Variants in EHD3 observed in about 807,000 individuals in gnomAD.
EHD3 encodes the protein EH domain-containing protein 3.
In EHD3, 17 loss-of-function variants were observed where a neutral mutation model predicts 43.0. The observed-to-expected ratio is 0.40, with a 90% confidence interval of 0.27 to 0.59. The LOEUF (loss-of-function observed/expected upper bound fraction) is 0.59. Among genes scored for constraint, EHD3 ranks in the 20% least tolerant of loss-of-function variants. The probability of loss-of-function intolerance (pLI) is 0.49; values close to 1 mark genes in which losing one functional copy is unlikely to be tolerated. For missense variants in EHD3, 594 were observed against 705.6 expected (o/e 0.84, Z 1.79); for synonymous variants, 313 against 289.5 (o/e 1.08, Z -0.82).
At chr2:31,259,929 G>A (rs916262257) in intron 3 of EHD3, among the ~76,000 whole-genome samples, 2 of 152,148 alleles carry the variant, frequency 1.3e-5, no homozygotes, top group South Asian at 2.1e-4. Flanking sequence ...GGCTGGGGGC[G>A]GTGGCTCACA....
chr2:31,263,839 C>T (rs1683895998), intron 5 of EHD3, among the ~76,000 whole-genome samples: 1 of 152,240 alleles, frequency 6.6e-6, no homozygotes, highest in African/African-American at 2.4e-5. Flanking sequence ...GAGCAGAAAG[C>T]TGTCACCCTA....
rs1386920603 is a variant in EHD3 at position 31,266,489 on chromosome 2, G to A, written c.1393G>A (p.Ala465Thr). The change falls in exon 6 of 6, where the codon GCT (alanine) becomes ACT (threonine). Residue 465 changes from alanine to threonine, a missense_variant. Ala to Thr is a moderately conservative substitution (Grantham distance 58, BLOSUM62 0). This residue lies in a region of EHD3 where 322 missense variants were observed against 348.0 expected (regional missense o/e 0.93). Transcript: ENST00000322054. The surrounding 1 kb of genome is among the most constrained non-coding windows in gnomAD (Gnocchi z 5.1). ...LSPVDGKITGANAKKEMVRSK... is the reference protein window; with the variant it reads ...LSPVDGKITGTNAKKEMVRSK... The stretch of plus-strand genomic sequence containing the variant: ...ACCGGTGGATGGCAAGATCACAGGC[G>A]CTAATGCCAAGAAGGAGATGGTGCG... 15 of 1,614,134 alleles carry A rather than the reference G, an allele frequency of 9.3e-6. No individual in the cohort carries two copies. The highest frequency in any genetic ancestry group is 2.2e-5 in the East Asian group (1 of 44,864).
In EHD3 at chr2:31,245,312, A is replaced by C. The variant is rs570744864; in HGVS notation, c.404+862A>C. 3.5e-3 allele frequency among the ~76,000 whole-genome samples: 529 copies of C among 152,200 alleles called. 7 individuals are homozygous for C. The highest frequency in any genetic ancestry group is 3.0e-3 in the Non-Finnish European group (203 of 68,008). On this transcript the variant is annotated intron_variant, in intron 2 of 5. Transcript: ENST00000322054. ...ATTTTTCCCATCTGTAAATAGGATA[A>C]TAGGAGTTAAAGGAGAAATAAGTGG...
At chr2:31,252,204 G>A (rs547558014) in intron 3 of EHD3, among the ~76,000 whole-genome samples, 14 of 152,336 alleles carry the variant, frequency 9.2e-5, no homozygotes, top group Admixed American at 2.6e-4. Flanking sequence ...CCACACAGCC[G>A]TCTTGTGAGG....
chr2:31,238,569 G>T (rs1487316959), intron 1 of EHD3, among the ~76,000 whole-genome samples: 6 of 152,202 alleles, frequency 3.9e-5, no homozygotes, highest in African/African-American at 7.2e-5. Flanking sequence ...TCCAACACAG[G>T]CTGCCTCTTT....
Position 31,266,276 on chromosome 2 carries a change from A to G in EHD3, c.1180A>G (p.Met394Val). 1 of 1,614,186 alleles carries G rather than the reference A, an allele frequency of 6.2e-7. No individual in the cohort carries two copies. ...DMLAHDIAQLMVLVRQEESQR... is the reference protein window; with the variant it reads ...DMLAHDIAQLVVLVRQEESQR... ...GCTGGCCCATGACATTGCCCAGCTC[A>G]TGGTGCTAGTGCGCCAGGAGGAGTC... The change falls in exon 6 of 6, where the codon ATG becomes GTG. Residue 394 changes from methionine to valine, a missense_variant. Coordinates refer to ENST00000322054, the MANE Select transcript of EHD3 (RefSeq NM_014600.3). The surrounding 1 kb of genome is among the most constrained non-coding windows in gnomAD (Gnocchi z 5.1).
In EHD3 at chr2:31,260,913, G is replaced by A; in HGVS notation, c.906G>A (p.Arg302=). Residue 302 remains arginine, a synonymous_variant, in exon 4 of 6, where the codon AGG becomes AGA. Coordinates refer to ENST00000322054, the MANE Select transcript of EHD3 (RefSeq NM_014600.3). This position sits in a 1 kb window ranked among gnomAD's most constrained non-coding sequence, Gnocchi z 4.6. ...RKLNDLIKRA[R]LAKVHAYIIS... ...TCAACGACCTCATCAAAAGGGCCAG[G>A]CTGGCCAAGGTGAGGCAGCCCCCTG... 2 of 1,604,996 alleles carry A rather than the reference G, an allele frequency of 1.2e-6. No homozygotes were observed. The highest frequency in any genetic ancestry group is 1.7e-6 in the Non-Finnish European group (2 of 1,175,298).
chr2:31,249,133 C>T (rs1683585001), intron 2 of EHD3, among the ~76,000 whole-genome samples: 1 of 152,174 alleles, frequency 6.6e-6, no homozygotes, highest in Non-Finnish European at 1.5e-5. Context: ...AGCATTTTAC[C>T]AAACACACCC....
intron 1 of EHD3, among the ~76,000 whole-genome samples, chr2:31,236,011 C>A (rs537987189): frequency 6.6e-6 from 1 of 152,298 alleles, no homozygotes; most frequent in East Asian, 1.9e-4. Context: ...GCAGGGGTAC[C>A]CTTATTCCTA....
rs763677058 is a variant in EHD3 at position 31,266,197 on chromosome 2, C to A, written c.1101C>A (p.Asp367Glu). The change falls in exon 6 of 6, where the codon GAC becomes GAA. Residue 367 changes from aspartate to glutamate, a missense_variant. Physicochemically the swap from Asp to Glu is conservative, Grantham distance 45. Coordinates refer to ENST00000322054, the MANE Select transcript of EHD3 (RefSeq NM_014600.3). The surrounding 1 kb of genome is among the most constrained non-coding windows in gnomAD (Gnocchi z 5.1). Reference protein sequence around the residue: ...KRMQDQLQAQDFSKFQPLKSK... With the variant: ...KRMQDQLQAQEFSKFQPLKSK... ...CCCAGGACCAGCTGCAGGCCCAGGACTTTAGCAAGTTCCAGCCGCTGAAGA... is the reference window on the plus strand; with the variant it reads ...CCCAGGACCAGCTGCAGGCCCAGGAATTTAGCAAGTTCCAGCCGCTGAAGA... 6.2e-7 allele frequency: 1 copy of A among 1,612,214 alleles called. No homozygotes were observed. Among genetic ancestry groups the A allele is most frequent in the Non-Finnish European group, 8.5e-7 (1 of 1,178,496 alleles).
intron 5 of EHD3, among the ~76,000 whole-genome samples, chr2:31,262,814 C>A (rs1305990715): frequency 6.6e-6 from 1 of 152,210 alleles, no homozygotes; most frequent in Non-Finnish European, 1.5e-5. Flanking sequence ...ACTCGGGAGG[C>A]TGAGGCATGA....
intron 1 of EHD3, among the ~76,000 whole-genome samples, chr2:31,235,318 G>A (rs1197941129): frequency 1.3e-5 from 2 of 152,136 alleles, no homozygotes; most frequent in Non-Finnish European, 2.9e-5. Context: ...GAGTTCTGAT[G>A]GGTGCGGGCC....
intron 1 of EHD3, among the ~76,000 whole-genome samples, chr2:31,243,639 T>G (rs990239281): frequency 6.6e-6 from 1 of 151,742 alleles, no homozygotes; most frequent in Non-Finnish European, 1.5e-5. Context: ...GTATTTTTAG[T>G]AGAGACAGGT....
chr2:31,260,809 C>T lies in EHD3; in HGVS notation c.802C>T (p.Arg268Trp), dbSNP rs771567803. 12 of 1,614,056 alleles carry T rather than the reference C, an allele frequency of 7.4e-6. No individual in the cohort carries two copies. The highest frequency in any genetic ancestry group is 1.7e-5 in the Admixed American group (1 of 60,006). ...CCACCCCCTCCTCATCCCTGACAAC[C>T]GGAAGCTCTTTGAGGCTGAGGAACA... is the stretch of plus-strand genomic sequence containing the variant. The part of the protein sequence containing the change: ...WSHPLLIPDN[R>W]KLFEAEEQDL... Residue 268 changes from arginine (R) to tryptophan (W), a missense_variant, in exon 4 of 6, where the codon CGG (arginine) becomes TGG (tryptophan). By Grantham distance (101) the Arg-to-Trp change is moderately radical (BLOSUM62 -3). This residue lies in a region of EHD3 where 29 missense variants were observed against 60.9 expected (regional missense o/e 0.48). Transcript: ENST00000322054. This position sits in a 1 kb window ranked among gnomAD's most constrained non-coding sequence, Gnocchi z 4.6.
chr2:31,256,411 G>C (rs369460758), intron 3 of EHD3, among the ~76,000 whole-genome samples: 1 of 152,156 alleles, frequency 6.6e-6, no homozygotes, highest in Non-Finnish European at 1.5e-5. Flanking sequence ...GATGCCAAAC[G>C]TGGAACAGGT....
intron 1 of EHD3, among the ~76,000 whole-genome samples, chr2:31,242,724 C>T (rs1221533940): frequency 6.6e-6 from 1 of 151,886 alleles, no homozygotes; most frequent in Non-Finnish European, 1.5e-5. Context: ...TGGGATAGGC[C>T]GAGGCAGGTG....
chr2:31,259,187 A>G (rs1377612382), intron 3 of EHD3, among the ~76,000 whole-genome samples: 1 of 152,174 alleles, frequency 6.6e-6, no homozygotes, highest in Non-Finnish European at 1.5e-5. Context: ...CCTTGGTGCC[A>G]GAGGTATGCC....
At position 31,234,333 on chromosome 2, in the gene EHD3, G is replaced by T. The variant is rs1260910264; in HGVS notation, c.-289G>T. 2.4e-5 allele frequency: 10 copies of T among 425,260 alleles called. No homozygotes were observed. The highest frequency in any genetic ancestry group is 3.9e-5 in the Admixed American group (1 of 25,796). The allele number at this position is 425,260 out of a possible 1,614,324, so 26.3% of individuals were successfully genotyped here. ...CCGGCATCTGGCAGTTTCCTTGCAG[G>T]TTCAACTTTAATTGCCAAGATTTCA... On this transcript the variant is annotated 5_prime_UTR_variant, in exon 1 of 6. Coordinates refer to ENST00000322054, the MANE Select transcript of EHD3 (RefSeq NM_014600.3).
At chr2:31,258,281 G>A (rs1222565533) in intron 3 of EHD3, among the ~76,000 whole-genome samples, 1 of 152,090 alleles carries the variant, frequency 6.6e-6, no homozygotes, top group Non-Finnish European at 1.5e-5. Flanking sequence ...GGGTCCTCCA[G>A]GAAGCTTTAG....
Sources: gnomAD v4.1 joint callset for allele counts (sites outside exome capture counted in the v4.1 genomes callset) on GRCh38, gnomAD v4.1.1 for gene constraint, gnomAD v4.1.1 regional missense constraint, Gnocchi (gnomAD v3.1) non-coding constraint, MANE v1.5 for transcripts, NCBI Gene and HGNC (gene_info 2026-07-23, HGNC 2026-07-21) for gene names.